Variants in TMEM178B observed in about 807,000 individuals in gnomAD.
TMEM178B encodes the protein transmembrane protein 178B.
Under a neutral mutation model 31.0 loss-of-function variants are expected in TMEM178B, and 5 were observed. The observed-to-expected ratio is 0.16, with a 90% CI of 0.08 to 0.34. The LOEUF is 0.34. TMEM178B is among the 10% of genes least tolerant of loss of function. The pLI is 1.00. For missense variants in TMEM178B, 275 were observed against 400.3 expected, an observed-to-expected ratio of 0.69 and a Z score of 2.67; for synonymous variants, 164 against 164.0, an observed-to-expected ratio of 1.00 and a Z score of 0.00.
At chr7:141,383,833 A>G (rs1357181066) in intron 2 of TMEM178B, among the ~76,000 whole-genome samples, 2 of 152,162 alleles carry the variant, frequency 1.3e-5, no homozygotes, top group Admixed American at 6.5e-5. Context: ...CAGACCCATC[A>G]ACAGAGTAAA....
chr7:141,242,430 G>A (rs1797638214), intron 2 of TMEM178B, among the ~76,000 whole-genome samples: 1 of 151,656 alleles, frequency 6.6e-6, no homozygotes, highest in Non-Finnish European at 1.5e-5. Flanking sequence ...ACTGCATAGT[G>A]ATTTCCTCAT....
chr7:141,273,666 G>C (rs1798220744), intron 2 of TMEM178B, among the ~76,000 whole-genome samples: 1 of 151,528 alleles, frequency 6.6e-6, no homozygotes, highest in Non-Finnish European at 1.5e-5. Flanking sequence ...TGCGGAGAGA[G>C]TGTGCCCTTG....
intron 2 of TMEM178B, among the ~76,000 whole-genome samples, chr7:141,245,342 G>C (rs1002013725): frequency 6.6e-5 from 10 of 151,968 alleles, no homozygotes; most frequent in African/African-American, 2.4e-4. Flanking sequence ...AAGGCCAGAA[G>C]CAGAACCCAG....
In TMEM178B at chr7:141,297,878, A is replaced by G. The variant is rs1382263961; in HGVS notation, c.496+85174A>G. ...ATCCTTTGGGTGTATACCCAGTAAT[A>G]GGATGGCTGGGTCAAATGGTATTTC... On this transcript the variant is annotated intron_variant, in intron 2 of 3. Transcript: ENST00000565468. 9.8e-5 allele frequency among the ~76,000 whole-genome samples: 15 copies of G among 152,320 alleles called. No homozygotes were observed. In the South Asian group the frequency reaches 1.2e-3, roughly 13 times the overall value.
chr7:141,445,292 T>TGGAG (rs1290341230), intron 3 of TMEM178B, among the ~76,000 whole-genome samples: 3 of 152,174 alleles, frequency 2.0e-5, no homozygotes, highest in Non-Finnish European at 4.4e-5. Flanking sequence ...AAGACCTTCA[T>TGGAG]GGAGGCCTGG....
intron 2 of TMEM178B, among the ~76,000 whole-genome samples, chr7:141,411,597 A>T (rs953593601): frequency 6.6e-6 from 1 of 152,214 alleles, no homozygotes; most frequent in Non-Finnish European, 1.5e-5. Context: ...AAAATGGATT[A>T]TGTATAATTT....
intron 2 of TMEM178B, among the ~76,000 whole-genome samples, chr7:141,215,834 C>CTTTCTTTCT (rs1554463700): frequency 3.5e-3 from 100 of 28,868 alleles, no homozygotes; most frequent in East Asian, 8.5e-3. Context: ...TTCTTTCTTT[C>CTTTCTTTCT]TTTCTTTTCT....
intron 2 of TMEM178B, among the ~76,000 whole-genome samples, chr7:141,347,655 A>C (rs1381373637): frequency 6.6e-6 from 1 of 152,032 alleles, no homozygotes; most frequent in Admixed American, 6.5e-5. Context: ...TCTGGATCCT[A>C]GTCTGTCCAC....
chr7:141,187,982 A>G (rs971284829), intron 1 of TMEM178B, among the ~76,000 whole-genome samples: 2 of 151,938 alleles, frequency 1.3e-5, no homozygotes, highest in African/African-American at 4.8e-5. Context: ...TTTTGTTGCC[A>G]TTGCTTTTGG....
intron 2 of TMEM178B, among the ~76,000 whole-genome samples, chr7:141,283,009 C>A (rs1375856761): frequency 1.3e-5 from 2 of 152,132 alleles, no homozygotes; most frequent in Non-Finnish European, 2.9e-5. Flanking sequence ...TTGTACCAAC[C>A]TAATAATGCT....
chr7:141,271,853 G>A (rs1307413640), intron 2 of TMEM178B, among the ~76,000 whole-genome samples: 1 of 152,194 alleles, frequency 6.6e-6, no homozygotes, highest in Non-Finnish European at 1.5e-5. Context: ...CTTTTACCAT[G>A]AGAAAATGGC....
At chr7:141,246,283 T>C (rs1797728921) in intron 2 of TMEM178B, among the ~76,000 whole-genome samples, 1 of 152,182 alleles carries the variant, frequency 6.6e-6, no homozygotes, top group South Asian at 2.1e-4. Context: ...ACTTCTTGAG[T>C]AAAATGAAAT....
chr7:141,442,333 G>A (rs1297853341), intron 3 of TMEM178B, among the ~76,000 whole-genome samples: 5 of 151,964 alleles, frequency 3.3e-5, no homozygotes, highest in Non-Finnish European at 7.4e-5. Flanking sequence ...CTCTCTAAAC[G>A]CCCTGACTCC....
chr7:141,245,636 G>T (rs554714407), intron 2 of TMEM178B, among the ~76,000 whole-genome samples: 2 of 152,168 alleles, frequency 1.3e-5, no homozygotes, highest in Non-Finnish European at 2.9e-5. Flanking sequence ...GTGCTCATAC[G>T]CTTTCACTTG....
chr7:141,409,733 T>C (rs75845348), intron 2 of TMEM178B, among the ~76,000 whole-genome samples: 1 of 147,664 alleles, frequency 6.8e-6, no homozygotes, highest in East Asian at 2.0e-4. Flanking sequence ...GTCTTTGTCT[T>C]TTTTTTTTTT....
chr7:141,143,137 A>G (rs1384296872), intron 1 of TMEM178B, among the ~76,000 whole-genome samples: 1 of 152,170 alleles, frequency 6.6e-6, no homozygotes, highest in Non-Finnish European at 1.5e-5. Flanking sequence ...TGTTGGATGC[A>G]TAGTTTGCAA....
At chr7:141,138,524 G>A (rs1473029271) in intron 1 of TMEM178B, among the ~76,000 whole-genome samples, 1 of 152,074 alleles carries the variant, frequency 6.6e-6, no homozygotes, top group African/African-American at 2.4e-5. Flanking sequence ...GAGGGTGGGG[G>A]TGGAGGTGTG....
At chr7:141,425,409 A>C (rs1388754670) in intron 2 of TMEM178B, among the ~76,000 whole-genome samples, 1 of 152,152 alleles carries the variant, frequency 6.6e-6, no homozygotes, top group Non-Finnish European at 1.5e-5. Context: ...GGAGAAATGG[A>C]AGCTTCTTTG....
intron 1 of TMEM178B, among the ~76,000 whole-genome samples, chr7:141,135,513 C>T (rs751341138): frequency 3.9e-5 from 6 of 152,106 alleles, no homozygotes; most frequent in Admixed American, 6.5e-5. Context: ...TTTAAAAACT[C>T]AAAATCATAT....
Sources: gnomAD v4.1 joint callset for allele counts (sites outside exome capture counted in the v4.1 genomes callset) on GRCh38, gnomAD v4.1.1 for gene constraint, MANE v1.5 for transcripts, NCBI Gene and HGNC (gene_info 2026-07-23, HGNC 2026-07-21) for gene names.